EDRF1: variants seen among roughly 807,000 people sequenced by gnomAD.
EDRF1 encodes erythroid differentiation regulatory factor 1, also known as erythroid differentiation-related factor 1.
EDRF1 carries 69 observed loss-of-function variants against 148.7 expected under a neutral mutation model. The observed-to-expected ratio is 0.46, with a 90% CI of 0.38 to 0.57. The LOEUF (loss-of-function observed/expected upper bound fraction) is 0.57. Ranked by LOEUF, EDRF1 falls within the 20% of genes least tolerant of loss-of-function variation. The pLI, the probability that EDRF1 is intolerant of heterozygous loss-of-function variation, is 0.00. For synonymous variants in EDRF1, 515 were observed against 532.8 expected (o/e 0.97, Z 0.46); for missense variants, 1,118 against 1,478.7 (o/e 0.76, Z 4.00).
intron 16 of EDRF1, 103 bp downstream of exon 16, chr10:125,740,754 TTTA>T: frequency 7.5e-7 from 1 of 1,329,454 alleles, no homozygotes; most frequent in East Asian, 2.4e-5. Flanking sequence ...CTAGTAAATC[TTTA>T]TTTTAAAATG....
chr10:125,723,775 G>A (rs1035588409), intron 3 of EDRF1, 36 bp from the exon 4 acceptor site: 1 of 1,590,362 alleles, frequency 6.3e-7, no homozygotes, highest in Admixed American at 1.7e-5. Context: ...CACTAAAACA[G>A]TCTTTCTAAA....
chr10:125,746,925 A>G (rs1849385782), intron 19 of EDRF1: 1 of 153,478 alleles, frequency 6.5e-6, no homozygotes, highest in African/African-American at 2.4e-5. Flanking sequence ...TAATGGAGGA[A>G]TTGAAGCCAT....
chr10:125,754,432 G>A (rs537723890), intron 24 of EDRF1, among the ~76,000 whole-genome samples: 1 of 152,326 alleles, frequency 6.6e-6, no homozygotes, highest in South Asian at 2.1e-4. Context: ...TGAGGGAGAT[G>A]AATAACCCTG....
chr10:125,744,007 A>G (rs1294406118), intron 18 of EDRF1, among the ~76,000 whole-genome samples: 1 of 152,202 alleles, frequency 6.6e-6, no homozygotes, highest in Non-Finnish European at 1.5e-5. Flanking sequence ...TGTGAAAGGT[A>G]TAATTTGTAG....
intron 24 of EDRF1, among the ~76,000 whole-genome samples, chr10:125,759,130 T>C (rs1850066396): frequency 6.6e-6 from 1 of 152,160 alleles, no homozygotes; most frequent in Non-Finnish European, 1.5e-5. Context: ...CACTGGTCTT[T>C]TATGTGGGCA....
chr10:125,756,868 A>G, intron 24 of EDRF1: 1 of 422,232 alleles, frequency 2.4e-6, no homozygotes, highest in Non-Finnish European at 4.6e-6. Flanking sequence ...GCTGGAGTGC[A>G]GTGGCATGAT....
chr10:125,725,294 T>C (rs1278587440), intron 4 of EDRF1, 24 bp from the exon 5 acceptor site: 1 of 1,613,708 alleles, frequency 6.2e-7, no homozygotes, highest in Non-Finnish European at 8.5e-7. Context: ...GTTGTATTAA[T>C]AATATGTATC....
intron 17 of EDRF1, among the ~76,000 whole-genome samples, chr10:125,741,976 G>C (rs922870511): frequency 6.6e-6 from 1 of 152,198 alleles, no homozygotes; most frequent in African/African-American, 2.4e-5. Flanking sequence ...TTACAGGCAC[G>C]AGCCACTGCA....
At chr10:125,749,256 AAAAAG>A in intron 21 of EDRF1, 151 bp from the exon 22 acceptor site, 2 of 861,846 alleles carry the variant, frequency 2.3e-6, no homozygotes, top group African/African-American at 1.7e-5. Flanking sequence ...TCAAAAAAAA[AAAAAG>A]AAAGGAAATG....
chr10:125,727,860 A>G (rs1348787715), intron 6 of EDRF1, among the ~76,000 whole-genome samples: 1 of 152,188 alleles, frequency 6.6e-6, no homozygotes, highest in Non-Finnish European at 1.5e-5. Flanking sequence ...ATTGAGTGGT[A>G]GGCTGAGTTT....
At chr10:125,734,315 G>A in intron 12 of EDRF1, 132 bp downstream of exon 12, 1 of 730,078 alleles carries the variant, frequency 1.4e-6, no homozygotes, top group South Asian at 1.5e-5. Flanking sequence ...TAGCACATGT[G>A]GCTGTTGATC....
Position 125,747,292 on chromosome 10 carries a change from C to T in EDRF1, c.2815-244C>T, listed in dbSNP as rs531501554. 6.2e-4 allele frequency: 324 copies of T among 525,886 alleles called. 2 individuals carry two copies. Among genetic ancestry groups the T allele is most frequent in the South Asian group, 1.5e-3 (68 of 45,392 alleles). The allele number at this position is 525,886 out of a possible 1,614,324, so 32.6% of individuals were successfully genotyped here. ...CAGCCTGAGTCAGAAAGCAGCAGCA[C>T]GGATTGGCTTCTTGTAGCCTTGAGA... On this transcript the variant is annotated intron_variant, in intron 19 of 24. Coordinates refer to ENST00000356792, the MANE Select transcript of EDRF1 (RefSeq NM_001202438.2).
intron 22 of EDRF1, among the ~76,000 whole-genome samples, 178 bp from the exon 23 acceptor site, chr10:125,752,621 G>T (rs1015360478): frequency 7.2e-5 from 11 of 152,310 alleles, no homozygotes; most frequent in South Asian, 2.1e-4. Flanking sequence ...GCTTTGTCCA[G>T]ACTTAGTATT....
At position 125,763,116 on chromosome 10, in the gene EDRF1, A is replaced by G. The variant is rs1264987532; in HGVS notation, c.3546-185A>G. On this transcript the variant is annotated intron_variant, in intron 24 of 24. Coordinates refer to ENST00000356792, the MANE Select transcript of EDRF1 (RefSeq NM_001202438.2). The surrounding 1 kb of genome is among the most constrained non-coding windows in gnomAD (Gnocchi z 4.3). ...TGGATTTCATTGATGTATTGAAATA[A>G]ATGTGTAGAAACAGGCCCATGAGCA... 6.6e-6 allele frequency among the ~76,000 whole-genome samples: 1 copy of G among 152,208 alleles called. No individual in the cohort carries two copies. The highest frequency in any genetic ancestry group is 1.5e-5 in the Non-Finnish European group (1 of 68,034).
At chr10:125,722,136 GCAT>G (rs748779327) in intron 2 of EDRF1, among the ~76,000 whole-genome samples, 9 of 152,166 alleles carry the variant, frequency 5.9e-5, no homozygotes, top group Non-Finnish European at 1.2e-4. Context: ...TTTGTTTGTA[GCAT>G]CATTTATAGG....
chr10:125,749,637 G>C, intron 22 of EDRF1, 72 bp downstream of exon 22: 1 of 1,545,048 alleles, frequency 6.5e-7, no homozygotes, highest in South Asian at 1.1e-5. Flanking sequence ...AGTAAGGCAG[G>C]CCTGTGAATC....
In EDRF1 at chr10:125,740,182, AAGG is replaced by A. The variant is rs556689036; in HGVS notation, c.1982-278_1982-276del. The stretch of plus-strand genomic sequence containing the variant: ...GACAGGTTGACACATAGACTGGAAA[AAGG>A]AGACAGGTGTCACTCATGAGGTTAG... On this transcript the variant is annotated intron_variant, in intron 15 of 24. Transcript: ENST00000356792. Among the ~76,000 whole-genome samples, 60 of 152,308 alleles carry A rather than the reference AAGG, an allele frequency of 3.9e-4. 1 individual carries two copies. The East Asian group carries it at 7.5e-3, about 19-fold the overall frequency.
At chr10:125,737,640 A>T (rs1848808102) in intron 13 of EDRF1, among the ~76,000 whole-genome samples, 1 of 152,210 alleles carries the variant, frequency 6.6e-6, no homozygotes, top group South Asian at 2.1e-4. Context: ...CTAATTGTTA[A>T]TTGTGTTTTG....
In EDRF1 at chr10:125,725,692, G is replaced by T. The variant is rs1445843475; in HGVS notation, c.646G>T (p.Asp216Tyr). 6.2e-7 allele frequency: 1 copy of T among 1,613,934 alleles called. No individual in the cohort carries two copies. The highest frequency in any genetic ancestry group is 1.3e-5 in the African/African-American group (1 of 74,918). Reference protein sequence around the residue: ...SKFLYYSINGDGAAQPVSSTA... With the variant: ...SKFLYYSINGYGAAQPVSSTA... ...TTCTGGTTTGGCCAGTATCAATGGT[G>T]ATGGAGCCGCTCAGCCTGTCTCATC... Residue 216 changes from aspartate to tyrosine, a missense_variant, in exon 6 of 25, where the codon GAT (aspartate) becomes TAT (tyrosine). This residue lies in a region of EDRF1 where 954 missense variants were observed against 1,241.4 expected (regional missense o/e 0.77). Coordinates refer to ENST00000356792, the MANE Select transcript of EDRF1 (RefSeq NM_001202438.2).
Sources: allele counts gnomAD v4.1 joint callset (sites outside exome capture counted in the v4.1 genomes callset), GRCh38; gene constraint gnomAD v4.1.1; regional missense constraint gnomAD v4.1.1; non-coding constraint Gnocchi (gnomAD v3.1); transcripts MANE v1.5; gene names NCBI Gene and HGNC (gene_info 2026-07-23, HGNC 2026-07-21).